Variants in RBFOX2 observed in about 807,000 individuals in gnomAD.
RBFOX2 encodes RNA binding protein fox-1 homolog 2.
RBFOX2 carries 10 observed loss-of-function variants against 49.1 expected under a neutral mutation model. The observed-to-expected ratio is 0.20, with a 90% confidence interval of 0.13 to 0.35. The LOEUF (loss-of-function observed/expected upper bound fraction) is 0.35, where lower values mean the gene tolerates loss of function less well. Among genes scored for constraint, RBFOX2 ranks in the 10% least tolerant of loss-of-function variants. The pLI is 1.00. For synonymous variants in RBFOX2, 183 were observed against 187.4 expected (o/e 0.98, Z 0.19); for missense variants, 323 against 486.9 (o/e 0.66, Z 3.17).
At chr22:35,782,870 T>A (rs115204164) in intron 2 of RBFOX2, among the ~76,000 whole-genome samples, 2,960 of 152,312 alleles carry the variant, frequency 0.019, 42 homozygotes, top group Middle Eastern at 0.037. Context: ...TTATTTATTT[T>A]TTAATTTTTT....
intron 1 of RBFOX2, among the ~76,000 whole-genome samples, chr22:35,990,372 G>T (rs145600414): frequency 2.0e-5 from 3 of 152,106 alleles, no homozygotes; most frequent in African/African-American, 7.2e-5. Flanking sequence ...CGACAAAGTC[G>T]AAACAAGACA....
intron 1 of RBFOX2, among the ~76,000 whole-genome samples, chr22:35,932,370 C>A (rs1454772855): frequency 2.0e-5 from 3 of 151,760 alleles, no homozygotes; most frequent in Admixed American, 1.3e-4. Flanking sequence ...AGAAAAGAAA[C>A]CCTTAGGTCA....
chr22:35,857,449 G>A (rs2042640399), intron 1 of RBFOX2, among the ~76,000 whole-genome samples: 1 of 152,218 alleles, frequency 6.6e-6, no homozygotes, highest in South Asian at 2.1e-4. Context: ...TAGGGTATAA[G>A]AGAAAGGTTC....
At chr22:35,901,511 C>A (rs1035403585) in intron 1 of RBFOX2, among the ~76,000 whole-genome samples, 2 of 151,884 alleles carry the variant, frequency 1.3e-5, no homozygotes, top group Non-Finnish European at 2.9e-5. Flanking sequence ...CAACAACAAA[C>A]GACAGAGATA....
At chr22:35,854,216 T>TA (rs2042260273) in intron 1 of RBFOX2, among the ~76,000 whole-genome samples, 1 of 148,182 alleles carries the variant, frequency 6.7e-6, no homozygotes, top group Admixed American at 6.7e-5. Flanking sequence ...CTGTCTCTAA[T>TA]AATAATAATA....
At chr22:35,928,556 A>T (rs1329034701) in intron 1 of RBFOX2, among the ~76,000 whole-genome samples, 1 of 152,240 alleles carries the variant, frequency 6.6e-6, no homozygotes, top group Non-Finnish European at 1.5e-5. Flanking sequence ...CTGTTTTCAT[A>T]GTTGCTTTCA....
At chr22:35,985,902 GGATAGATA>G (rs3075246) in intron 1 of RBFOX2, among the ~76,000 whole-genome samples, 53,370 of 143,564 alleles carry the variant, frequency 0.37, 9,982 homozygotes, top group Middle Eastern at 0.43. Context: ...ATAGATAGAT[GGATAGATA>G]GATAGATAGA....
intron 1 of RBFOX2, among the ~76,000 whole-genome samples, chr22:35,849,731 G>A (rs974706987): frequency 5.3e-5 from 8 of 152,080 alleles, no homozygotes; most frequent in African/African-American, 1.7e-4. Context: ...AAAATCCTTC[G>A]CTGACCTCCA....
chr22:35,847,655 G>A (rs776815493), intron 1 of RBFOX2, among the ~76,000 whole-genome samples: 1 of 150,774 alleles, frequency 6.6e-6, no homozygotes, highest in East Asian at 1.9e-4. Context: ...ATTTAAAATT[G>A]TTTTTTTTTA....
intron 4 of RBFOX2, chr22:35,777,776 C>T: frequency 2.0e-6 from 1 of 498,366 alleles, no homozygotes; most frequent in Admixed American, 3.7e-5. Context: ...ATCCTGTGTT[C>T]TTTACGTCCC....
intron 1 of RBFOX2, among the ~76,000 whole-genome samples, chr22:35,839,480 C>T (rs781062779): frequency 1.3e-5 from 2 of 151,998 alleles, no homozygotes; most frequent in African/African-American, 2.4e-5. Context: ...GAGAGAAAAA[C>T]GAGAGGGGAG....
chr22:35,800,230 A>T (rs1373638293), intron 2 of RBFOX2, among the ~76,000 whole-genome samples: 1 of 152,082 alleles, frequency 6.6e-6, no homozygotes, highest in Non-Finnish European at 1.5e-5. Context: ...ATGTCTCCTG[A>T]ATTCATTCCC....
At chr22:35,791,208 A>T (rs1322444724) in intron 2 of RBFOX2, among the ~76,000 whole-genome samples, 1 of 152,030 alleles carries the variant, frequency 6.6e-6, no homozygotes, top group Non-Finnish European at 1.5e-5. Context: ...AACATGGTGA[A>T]ACCTCGTCTC....
intron 1 of RBFOX2, among the ~76,000 whole-genome samples, chr22:35,882,582 G>T (rs770930289): frequency 1.3e-5 from 2 of 152,182 alleles, no homozygotes; most frequent in Non-Finnish European, 2.9e-5. Flanking sequence ...AATAAAGACA[G>T]AAAACTTGAT....
chr22:35,864,342 T>C (rs2043433176), intron 1 of RBFOX2, among the ~76,000 whole-genome samples: 2 of 152,258 alleles, frequency 1.3e-5, no homozygotes, highest in South Asian at 4.1e-4. Flanking sequence ...CTGAAACCAC[T>C]ATAATATAGC....
intron 1 of RBFOX2, among the ~76,000 whole-genome samples, chr22:35,812,384 G>A (rs1268659138): frequency 2.6e-5 from 4 of 151,788 alleles, no homozygotes; most frequent in Non-Finnish European, 1.5e-5. Context: ...ACTTCTTTAC[G>A]TTATTTCTAG....
chr22:35,844,831 T>C (rs1308004434), upstream of RBFOX2, among the ~76,000 whole-genome samples: 1 of 152,058 alleles, frequency 6.6e-6, no homozygotes, highest in African/African-American at 2.4e-5. Flanking sequence ...TTTCAGTATC[T>C]TTCAGAAATC....
intron 1 of RBFOX2, among the ~76,000 whole-genome samples, chr22:35,883,137 T>C (rs947857407): frequency 6.6e-6 from 1 of 152,196 alleles, no homozygotes; most frequent in African/African-American, 2.4e-5. Context: ...CTCTGAGTCA[T>C]CTTTCCCTTT....
chr22:35,790,468 T>G (rs926456465), intron 2 of RBFOX2, among the ~76,000 whole-genome samples: 1 of 152,150 alleles, frequency 6.6e-6, no homozygotes, highest in Non-Finnish European at 1.5e-5. Context: ...AAAATATTTG[T>G]GATAAGGAGA....
Sources: gnomAD v4.1 joint callset for allele counts (sites outside exome capture counted in the v4.1 genomes callset) on GRCh38, gnomAD v4.1.1 for gene constraint, MANE v1.5 for transcripts, NCBI Gene and HGNC (gene_info 2026-07-23, HGNC 2026-07-21) for gene names.